The following RTKN2 variants were observed in gnomAD, a reference collection of about 807,000 sequenced individuals.
RTKN2 encodes the protein rhotekin-2.
RTKN2 carries 69 observed loss-of-function variants against 71.5 expected under a neutral mutation model. The observed-to-expected ratio is 0.96, with a 90% CI of 0.79 to 1.18. The LOEUF (loss-of-function observed/expected upper bound fraction) is 1.18. Ranked by LOEUF, RTKN2 falls within the 50% of genes most tolerant of loss-of-function variation. The probability of loss-of-function intolerance (pLI) is 0.00; values close to 1 mark genes in which losing one functional copy is unlikely to be tolerated. For missense variants in RTKN2, 724 were observed against 719.7 expected (o/e 1.01, Z -0.07); for synonymous variants, 236 against 236.5 (o/e 1.00, Z 0.02).
At chr10:62,257,563 C>T (rs1276601096) in intron 2 of RTKN2, among the ~76,000 whole-genome samples, 2 of 152,114 alleles carry the variant, frequency 1.3e-5, no homozygotes, top group Non-Finnish European at 2.9e-5. Flanking sequence ...AATCCAAGAA[C>T]TATTTTCGGG....
chr10:62,190,194 C>G (rs1043473581), downstream of RTKN2, among the ~76,000 whole-genome samples: 2 of 152,040 alleles, frequency 1.3e-5, no homozygotes, highest in Admixed American at 1.3e-4. Context: ...ATCAAGTGAC[C>G]ACATTATTGG....
chr10:62,268,366 G>T (rs1349519948), intron 1 of RTKN2, among the ~76,000 whole-genome samples, 185 bp downstream of exon 1: 1 of 152,266 alleles, frequency 6.6e-6, no homozygotes, highest in African/African-American at 2.4e-5. Context: ...AAACTCGGGG[G>T]TTCCGATGTC....
rs1030407095 is a variant in RTKN2, at chr10:62,268,571, C to G, written c.40G>C (p.Ala14Pro). The change falls in exon 1 of 12, where the codon GCG becomes CCG. Residue 14 changes from alanine to proline, a missense_variant. Ala to Pro is a conservative substitution (Grantham distance 27, BLOSUM62 -1). Coordinates refer to ENST00000373789, the MANE Select transcript of RTKN2 (RefSeq NM_145307.4). ...CTCACCTGCTGGGTGGGAAGCCCCG[C>G]CAGGCGGAGCGCAGGACCCCTCAGG... is the stretch of plus-strand genomic sequence containing the variant. Reference protein sequence around the residue: ...PSLRGPALRLAGLPTQQDCNI... With the variant: ...PSLRGPALRLPGLPTQQDCNI... 1 of 1,565,470 alleles carries G rather than the reference C, an allele frequency of 6.4e-7. No individual in the cohort carries two copies. The highest frequency in any genetic ancestry group is 1.9e-5 in the Admixed American group (1 of 52,986).
intron 2 of RTKN2, among the ~76,000 whole-genome samples, chr10:62,258,875 G>A (rs1419798700): frequency 6.6e-6 from 1 of 152,120 alleles, no homozygotes; most frequent in Non-Finnish European, 1.5e-5. Flanking sequence ...GTGGGAGATG[G>A]AGGTACATGG....
intron 9 of RTKN2, among the ~76,000 whole-genome samples, chr10:62,212,582 A>G (rs1172135731): frequency 6.6e-6 from 1 of 151,838 alleles, no homozygotes. Flanking sequence ...ACGTACCTGT[A>G]GTCCCAGCTA....
At chr10:62,268,452 C>T in intron 1 of RTKN2, 99 bp downstream of exon 1, 2 of 1,115,472 alleles carry the variant, frequency 1.8e-6, no homozygotes, top group South Asian at 2.7e-5. Context: ...AATAGAGGAG[C>T]GGGGGAGAGG....
intron 2 of RTKN2, among the ~76,000 whole-genome samples, chr10:62,253,409 C>G (rs1842616968): frequency 6.6e-6 from 1 of 152,146 alleles, no homozygotes; most frequent in African/African-American, 2.4e-5. Context: ...CTTAACCTAT[C>G]TGTTTCAGTA....
At chr10:62,244,886 G>A (rs996570162) in intron 3 of RTKN2, among the ~76,000 whole-genome samples, 4 of 152,044 alleles carry the variant, frequency 2.6e-5, no homozygotes, top group African/African-American at 7.2e-5. Context: ...TAGGTCTACC[G>A]TCCTGTGTGA....
At chr10:62,202,649 C>T (rs1328392255) in intron 10 of RTKN2, among the ~76,000 whole-genome samples, 1 of 152,118 alleles carries the variant, frequency 6.6e-6, no homozygotes, top group Non-Finnish European at 1.5e-5. Flanking sequence ...TAACCAGACC[C>T]GAGAACCAAG....
chr10:62,234,623 C>T (rs1364912001), intron 6 of RTKN2, among the ~76,000 whole-genome samples: 1 of 152,058 alleles, frequency 6.6e-6, no homozygotes, highest in Non-Finnish European at 1.5e-5. Flanking sequence ...ACGGAAGAAT[C>T]AGGCATTTTT....
intron 8 of RTKN2, 46 bp from the exon 9 acceptor site, chr10:62,217,295 A>G (rs1410443531): frequency 7.3e-7 from 1 of 1,361,548 alleles, no homozygotes. Flanking sequence ...ATTTTAAGTT[A>G]TTATCACTTT....
At chr10:62,264,861 C>T (rs1472900592) in intron 1 of RTKN2, among the ~76,000 whole-genome samples, 2 of 149,664 alleles carry the variant, frequency 1.3e-5, no homozygotes, top group East Asian at 3.9e-4. Flanking sequence ...TACAGTTCCT[C>T]TGGTGATTCA....
rs1036037336 is a variant in RTKN2 at position 62,207,329 on chromosome 10, T to C, written c.1021-2307A>G. Among the ~76,000 whole-genome samples, 3 of 152,078 alleles carry C rather than the reference T, an allele frequency of 2.0e-5. 1 individual carries two copies. In the South Asian group the frequency reaches 6.2e-4, roughly 31 times the overall value. Reference sequence around the variant, plus strand: ...CTGGTAGCCATAAATATCACTACATTTTTAAAACATCAGAGGTTTCTGAAA... The same window carrying C: ...CTGGTAGCCATAAATATCACTACATCTTTAAAACATCAGAGGTTTCTGAAA... On this transcript the variant is annotated intron_variant, in intron 9 of 11. Coordinates refer to ENST00000373789, the MANE Select transcript of RTKN2 (RefSeq NM_145307.4).
intron 2 of RTKN2, among the ~76,000 whole-genome samples, chr10:62,255,714 C>T (rs1463585879): frequency 6.6e-6 from 1 of 152,184 alleles, no homozygotes; most frequent in East Asian, 1.9e-4. Context: ...TATTTATGAA[C>T]TGCAAAGGGA....
intron 9 of RTKN2, among the ~76,000 whole-genome samples, chr10:62,209,195 G>A (rs1841608679): frequency 6.6e-6 from 1 of 152,120 alleles, no homozygotes; most frequent in Non-Finnish European, 1.5e-5. Flanking sequence ...TTAAACTTGG[G>A]AGGCAGAGGT....
chr10:62,252,482 G>A (rs1420583496), intron 2 of RTKN2, among the ~76,000 whole-genome samples: 4 of 151,910 alleles, frequency 2.6e-5, no homozygotes, highest in Non-Finnish European at 5.9e-5. Flanking sequence ...AAAGTACAAC[G>A]GAAGAACAAG....
At chr10:62,188,728 T>C (rs1465244003), downstream of RTKN2, among the ~76,000 whole-genome samples, 3 of 151,410 alleles carry the variant, frequency 2.0e-5, no homozygotes, top group Non-Finnish European at 2.9e-5. Flanking sequence ...ATATTTTCTA[T>C]ATATATATTT....
chr10:62,204,779 T>C (rs1841513342), intron 10 of RTKN2, 78 bp downstream of exon 10: 1 of 1,158,532 alleles, frequency 8.6e-7, no homozygotes, highest in Admixed American at 2.9e-5. Flanking sequence ...AACTCTAAGA[T>C]TACAATTTTA....
At chr10:62,229,103 G>A (rs1056677177) in intron 6 of RTKN2, among the ~76,000 whole-genome samples, 4 of 152,306 alleles carry the variant, frequency 2.6e-5, no homozygotes, top group African/African-American at 7.2e-5. Flanking sequence ...TCATGAGTAC[G>A]AGTGCAAAGG....
Sources: allele counts gnomAD v4.1 joint callset (sites outside exome capture counted in the v4.1 genomes callset), GRCh38; gene constraint gnomAD v4.1.1; transcripts MANE v1.5; gene names NCBI Gene and HGNC (gene_info 2026-07-23, HGNC 2026-07-21).